ARHGEF9: variants seen among roughly 807,000 people sequenced by gnomAD.
ARHGEF9 encodes the protein Cdc42 guanine nucleotide exchange factor 9, also known as rho guanine nucleotide exchange factor 9.
A neutral mutation model predicts 41.3 loss-of-function variants in ARHGEF9; 2 were observed. The observed-to-expected ratio is 0.05, with a 90% CI of 0.02 to 0.15. ARHGEF9 has a LOEUF of 0.15. ARHGEF9 is among the 10% of genes least tolerant of loss of function. The pLI, the probability that ARHGEF9 is intolerant of heterozygous loss-of-function variation, is 1.00. For synonymous variants in ARHGEF9, 160 were observed against 154.4 expected (o/e 1.04, Z -0.27); for missense variants, 225 against 424.7 (o/e 0.53, Z 4.13).
chrX:63,720,454 T>C (rs1419051213), intron 2 of ARHGEF9, among the ~76,000 whole-genome samples: 12 of 112,130 alleles, frequency 1.1e-4, no homozygotes, highest in African/African-American at 3.9e-4. Flanking sequence ...CATTATAATA[T>C]TGAAAATGCC....
chrX:63,663,382 T>C (rs782298038), intron 7 of ARHGEF9, among the ~76,000 whole-genome samples: 1 of 111,605 alleles, frequency 9.0e-6, no homozygotes, highest in African/African-American at 3.2e-5. Flanking sequence ...ATGTAAAATA[T>C]TATATATTAT....
At chrX:63,781,964 T>C (rs1245490915) in intron 1 of ARHGEF9, among the ~76,000 whole-genome samples, 5 of 112,206 alleles carry the variant, frequency 4.5e-5, no homozygotes, top group Non-Finnish European at 9.4e-5. Flanking sequence ...CTGCACTTCC[T>C]TCACATCTTT....
intron 1 of ARHGEF9, among the ~76,000 whole-genome samples, chrX:63,781,753 G>A (rs1182288088): frequency 9.0e-6 from 1 of 111,374 alleles, no homozygotes; most frequent in Non-Finnish European, 1.9e-5. Context: ...CCTTTCAATG[G>A]CTCCCAATCT....
intron 1 of ARHGEF9, among the ~76,000 whole-genome samples, chrX:63,739,981 CCT>C (rs1259822338): frequency 9.0e-6 from 1 of 111,673 alleles, no homozygotes; most frequent in Non-Finnish European, 1.9e-5. Flanking sequence ...TGACCTTCTC[CCT>C]CTCAGCAAAC....
At chrX:63,780,462 A>T (rs1556461427) in intron 1 of ARHGEF9, among the ~76,000 whole-genome samples, 1 of 111,276 alleles carries the variant, frequency 9.0e-6, no homozygotes, top group African/African-American at 3.3e-5. Context: ...AGGTGTGGCA[A>T]TGGGAGCAGA....
chrX:63,716,959 C>G (rs1556410591), intron 2 of ARHGEF9, among the ~76,000 whole-genome samples: 1 of 112,322 alleles, frequency 8.9e-6, no homozygotes. Flanking sequence ...GTACGCTTAA[C>G]AGTAAGCTAT....
chrX:63,674,017 C>A lies in ARHGEF9; in HGVS notation c.945+21G>T, dbSNP rs55745319. 314 of 1,208,349 alleles carry A rather than the reference C, an allele frequency of 2.6e-4. No homozygotes were observed. The African/African-American group carries it at 4.9e-3, about 19-fold the overall frequency. Reference sequence around the variant, plus strand: ...CCAAGCTATTCAGATTTCCCAATACCCTGGTTGGTAAGTTTCCTACCTCCC... The same window carrying A: ...CCAAGCTATTCAGATTTCCCAATACACTGGTTGGTAAGTTTCCTACCTCCC... On this transcript the variant is annotated intron_variant, in intron 6 of 9. Coordinates refer to ENST00000671741, the MANE Select transcript of ARHGEF9 (RefSeq NM_001353921.2).
At chrX:63,687,139 G>A (rs1331064703) in intron 4 of ARHGEF9, among the ~76,000 whole-genome samples, 2 of 111,511 alleles carry the variant, frequency 1.8e-5, no homozygotes, top group Non-Finnish European at 3.8e-5. Context: ...AATCAGAAAG[G>A]CTGTTTAACA....
At chrX:63,660,666 G>T (rs1226117220) in intron 7 of ARHGEF9, among the ~76,000 whole-genome samples, 2 of 111,802 alleles carry the variant, frequency 1.8e-5, no homozygotes, top group African/African-American at 6.5e-5. Context: ...GTGCTATATT[G>T]CCTCTAAATA....
Position 63,702,305 on chromosome X carries a change from G to T in ARHGEF9, c.402+3953C>A, listed in dbSNP as rs1320904088. Among the ~76,000 whole-genome samples the T allele has an allele frequency of 3.6e-5, 4 of 112,318 alleles. No homozygotes were observed. In the Admixed American group the frequency reaches 3.8e-4, roughly 11 times the overall value. On this transcript the variant is annotated intron_variant, in intron 3 of 9. Transcript: ENST00000671741. ...TACTCTTGCCTCAGTTTCCTTGATT[G>T]TACTTTGAGTTCTAAGGTTATAAGA...
At chrX:63,720,185 C>T (rs1325030292) in intron 2 of ARHGEF9, among the ~76,000 whole-genome samples, 2 of 111,640 alleles carry the variant, frequency 1.8e-5, no homozygotes, top group Admixed American at 9.5e-5. Flanking sequence ...AGTGGGTACT[C>T]CAGCTCAGAG....
intron 4 of ARHGEF9, among the ~76,000 whole-genome samples, chrX:63,679,899 CTT>C (rs1306720879): frequency 4.5e-5 from 5 of 111,604 alleles, no homozygotes; most frequent in African/African-American, 1.6e-4. Flanking sequence ...AAATTAAACT[CTT>C]TTTTTCAGAG....
At chrX:63,768,692 A>G (rs1331042020) in intron 1 of ARHGEF9, among the ~76,000 whole-genome samples, 2 of 111,928 alleles carry the variant, frequency 1.8e-5, no homozygotes, top group Non-Finnish European at 3.8e-5. Flanking sequence ...ATCATGGGGC[A>G]GTCTCCCCCA....
chrX:63,752,577 C>T (rs1556442370), intron 1 of ARHGEF9, among the ~76,000 whole-genome samples: 3 of 111,185 alleles, frequency 2.7e-5, no homozygotes, highest in Non-Finnish European at 5.7e-5. Context: ...TCTCCACAAA[C>T]GGACCAAAGA....
At chrX:63,754,087 A>T (rs1340048457) in intron 1 of ARHGEF9, among the ~76,000 whole-genome samples, 1 of 112,228 alleles carries the variant, frequency 8.9e-6, no homozygotes, top group Non-Finnish European at 1.9e-5. Flanking sequence ...GTAGTCTTCA[A>T]GGAAATGAGT....
intron 4 of ARHGEF9, among the ~76,000 whole-genome samples, chrX:63,695,681 T>C (rs1336588947): frequency 8.9e-6 from 1 of 112,231 alleles, no homozygotes; most frequent in African/African-American, 3.2e-5. Flanking sequence ...GACTGGCATC[T>C]TGAAACTTGG....
At chrX:63,767,246 A>G in intron 1 of ARHGEF9, 1 of 573,096 alleles carries the variant, frequency 1.7e-6, no homozygotes, top group Non-Finnish European at 3.0e-6. Flanking sequence ...CGTGGATGGA[A>G]AGCACCACTT....
At chrX:63,643,003 AAT>A (rs2047739150) in intron 9 of ARHGEF9, 2 of 111,894 alleles carry the variant, frequency 1.8e-5, no homozygotes, top group African/African-American at 6.5e-5. Context: ...TCATCTGAGA[AAT>A]AGAGTTAATA....
chrX:63,645,477 C>A (rs1169610857), intron 8 of ARHGEF9, among the ~76,000 whole-genome samples: 1 of 111,051 alleles, frequency 9.0e-6, no homozygotes, highest in Non-Finnish European at 1.9e-5. Flanking sequence ...GAACGTGCGG[C>A]GTTTGGTTTT....
Sources: allele counts gnomAD v4.1 joint callset (sites outside exome capture counted in the v4.1 genomes callset), GRCh38; gene constraint gnomAD v4.1.1; transcripts MANE v1.5; gene names NCBI Gene and HGNC (gene_info 2026-07-23, HGNC 2026-07-21).